The following CCNJL variants were observed in gnomAD, a reference collection of about 807,000 sequenced individuals.
The protein encoded by CCNJL is cyclin-J-like protein.
Under a neutral mutation model 33.4 loss-of-function variants are expected in CCNJL, and 33 were observed. The ratio of observed to expected loss-of-function variants is 0.99; its 90% CI spans 0.75 to 1.32. The LOEUF (loss-of-function observed/expected upper bound fraction) is 1.32, where lower values mean the gene tolerates loss of function less well. CCNJL is among the 40% of genes most tolerant of loss of function. The pLI is 0.00. For synonymous variants in CCNJL, 227 were observed against 220.9 expected, an observed-to-expected ratio of 1.03 and a Z score of -0.24; for missense variants, 512 against 499.7, an observed-to-expected ratio of 1.02 and a Z score of -0.23.
chr5:160,306,385 A>T (rs1384472013), intron 2 of CCNJL, among the ~76,000 whole-genome samples: 4 of 152,046 alleles, frequency 2.6e-5, no homozygotes, highest in Non-Finnish European at 5.9e-5. Context: ...TGCCCTGCAG[A>T]TCTCAAGTCT....
chr5:160,308,284 G>A (rs1328851909), intron 2 of CCNJL, among the ~76,000 whole-genome samples: 1 of 152,142 alleles, frequency 6.6e-6, no homozygotes, highest in Non-Finnish European at 1.5e-5. Context: ...GCTGTAAAAC[G>A]TTTCTCCCAG....
chr5:160,278,724 C>T (rs1762101541), intron 3 of CCNJL, among the ~76,000 whole-genome samples: 1 of 152,136 alleles, frequency 6.6e-6, no homozygotes, highest in South Asian at 2.1e-4. Flanking sequence ...CTTCCATGGC[C>T]CCATGGAAAT....
chr5:160,284,192 A>G (rs961302444), intron 2 of CCNJL, among the ~76,000 whole-genome samples: 17 of 152,172 alleles, frequency 1.1e-4, no homozygotes, highest in Admixed American at 3.9e-4. Flanking sequence ...TTTCCACAAA[A>G]GATGAAAAAA....
At chr5:160,327,221 A>C (rs1168965891) in intron 1 of CCNJL, among the ~76,000 whole-genome samples, 1 of 152,188 alleles carries the variant, frequency 6.6e-6, no homozygotes, top group African/African-American at 2.4e-5. Context: ...CCTCGTCTGA[A>C]TATAATGAGG....
chr5:160,304,099 G>T (rs1449286129), intron 2 of CCNJL, among the ~76,000 whole-genome samples: 1 of 152,208 alleles, frequency 6.6e-6, no homozygotes, highest in African/African-American at 2.4e-5. Flanking sequence ...TTTTGCAGAG[G>T]AAAGGAAGCC....
intron 2 of CCNJL, among the ~76,000 whole-genome samples, chr5:160,287,849 C>T (rs749046327): frequency 2.7e-5 from 4 of 150,812 alleles, no homozygotes; most frequent in East Asian, 2.0e-4. Flanking sequence ...GGGCCACAGG[C>T]GGTGAGAGTG....
At chr5:160,258,567 A>G in intron 4 of CCNJL, 1 of 1,511,244 alleles carries the variant, frequency 6.6e-7, no homozygotes, top group Non-Finnish European at 9.2e-7. Flanking sequence ...GAAAAGAAAG[A>G]GCAGAATGGG....
intron 1 of CCNJL, among the ~76,000 whole-genome samples, chr5:160,322,452 AG>A: frequency 6.6e-6 from 1 of 152,206 alleles, no homozygotes; most frequent in East Asian, 1.9e-4. Context: ...GGTTATATGA[AG>A]GTCAAATGAT....
intron 1 of CCNJL, among the ~76,000 whole-genome samples, chr5:160,333,076 G>A (rs1302433024): frequency 1.3e-5 from 2 of 152,016 alleles, no homozygotes; most frequent in Non-Finnish European, 2.9e-5. Flanking sequence ...CTTGAGCTCA[G>A]GAGTTTGAGA....
At chr5:160,308,264 T>C (rs949681872) in intron 2 of CCNJL, among the ~76,000 whole-genome samples, 1 of 152,186 alleles carries the variant, frequency 6.6e-6, no homozygotes, top group Admixed American at 6.5e-5. Flanking sequence ...TCTCACTTAA[T>C]CTTAACATTG....
chr5:160,317,995 G>A (rs1225632284), intron 1 of CCNJL, among the ~76,000 whole-genome samples: 8 of 151,296 alleles, frequency 5.3e-5, no homozygotes, highest in Non-Finnish European at 1.0e-4. Context: ...TTCTCTTCAC[G>A]TAGTCTTCTT....
chr5:160,311,071 G>C (rs1400879221), intron 2 of CCNJL, among the ~76,000 whole-genome samples: 2 of 152,064 alleles, frequency 1.3e-5, no homozygotes, highest in East Asian at 3.9e-4. Flanking sequence ...TCTCAGCCCA[G>C]GGACTGGAGG....
intron 1 of CCNJL, among the ~76,000 whole-genome samples, chr5:160,325,469 A>T (rs1157059884): frequency 6.6e-6 from 1 of 152,182 alleles, no homozygotes; most frequent in Non-Finnish European, 1.5e-5. Context: ...ATGTTACCAC[A>T]TCCTAAATTT....
rs554980544 is a variant in CCNJL at position 160,311,773 on chromosome 5, C to T, written c.66+85G>A. The T allele has an allele frequency of 5.3e-6, 7 of 1,327,552 alleles. No individual in the cohort carries two copies. In the African/African-American group the frequency reaches 8.7e-5, roughly 16 times the overall value. The allele number at this position is 1,327,552 out of a possible 1,614,324, so 82.2% of individuals were successfully genotyped here. ...AAGGCACCCGGGAGTTCTGAGTTCC[C>T]ACGCAGGCGACCTGAGAACACGAAG... On this transcript the variant is annotated intron_variant, in intron 2 of 5. Transcript: ENST00000257536.
chr5:160,259,433 G>C, intron 4 of CCNJL, 36 bp downstream of exon 4: 1 of 1,576,692 alleles, frequency 6.3e-7, no homozygotes, highest in Admixed American at 1.7e-5. Context: ...GGTGGGGAAG[G>C]GGTGGGAGGT....
chr5:160,262,512 C>T (rs148036144), intron 3 of CCNJL, among the ~76,000 whole-genome samples: 1,962 of 152,274 alleles, frequency 0.013, 37 homozygotes, highest in African/African-American at 0.044. Flanking sequence ...TGCTTATTTG[C>T]TTATGTTGTA....
intron 5 of CCNJL, chr5:160,254,065 C>T: frequency 4.3e-6 from 2 of 470,168 alleles, no homozygotes; most frequent in South Asian, 5.0e-5. Context: ...CAGCCCCATG[C>T]TGCCCTATCT....
rs1035520937 is a variant in CCNJL, at chr5:160,258,132, C to T, written c.583+1337G>A. 89 of 338,654 alleles carry T rather than the reference C, an allele frequency of 2.6e-4. 1 individual carries two copies. The highest frequency in any genetic ancestry group is 1.0e-4 in the Non-Finnish European group (18 of 180,404). 21.0% of individuals were successfully genotyped at this position (338,654 alleles called of 1,614,324 possible). ...AAGTGCTGGAATTATAAGCATAAGC[C>T]ACCGCGCCCAGTCCAATCATTGATC... On this transcript the variant is annotated intron_variant, in intron 4 of 5. Coordinates refer to ENST00000257536, the MANE Select transcript of CCNJL (RefSeq NM_001308173.3).
At chr5:160,255,871 T>C (rs1761043551) in intron 4 of CCNJL, among the ~76,000 whole-genome samples, 163 bp from the exon 5 acceptor site, 1 of 152,196 alleles carries the variant, frequency 6.6e-6, no homozygotes, top group Admixed American at 6.5e-5. Context: ...TTTTGAATCT[T>C]AACCTTGGCT....
Sources: allele counts gnomAD v4.1 joint callset (sites outside exome capture counted in the v4.1 genomes callset), GRCh38; gene constraint gnomAD v4.1.1; transcripts MANE v1.5; gene names NCBI Gene and HGNC (gene_info 2026-07-23, HGNC 2026-07-21).